The following LRRTM4 variants were observed in gnomAD, a reference collection of about 807,000 sequenced individuals.
The protein encoded by LRRTM4 is leucine rich repeat transmembrane neuronal 4.
A neutral mutation model predicts 47.6 loss-of-function variants in LRRTM4; 25 were observed. The observed-to-expected ratio is 0.53, with a 90% CI of 0.38 to 0.73. The LOEUF (loss-of-function observed/expected upper bound fraction) is 0.73. Ranked by LOEUF, LRRTM4 falls within the 30% of genes least tolerant of loss-of-function variation. The pLI is 0.00. For missense variants in LRRTM4, 638 were observed against 713.4 expected, an observed-to-expected ratio of 0.89 and a Z score of 1.20; for synonymous variants, 311 against 269.5, an observed-to-expected ratio of 1.15 and a Z score of -1.51.
chr2:77,094,689 G>C (rs1162895695), intron 3 of LRRTM4, among the ~76,000 whole-genome samples: 1 of 152,138 alleles, frequency 6.6e-6, no homozygotes, highest in Non-Finnish European at 1.5e-5. Context: ...GTCAAGGTTA[G>C]TCTCTTTAAT....
chr2:77,006,984 T>C (rs989787082), intron 3 of LRRTM4, among the ~76,000 whole-genome samples: 12 of 152,150 alleles, frequency 7.9e-5, no homozygotes, highest in African/African-American at 2.4e-4. Context: ...ATGAGCTTTA[T>C]AGAAAGAGGA....
intron 3 of LRRTM4, among the ~76,000 whole-genome samples, chr2:77,005,641 C>A (rs1052672608): frequency 6.6e-6 from 1 of 152,190 alleles, no homozygotes; most frequent in East Asian, 1.9e-4. Flanking sequence ...GAATCTGTCT[C>A]ATAAGAGCTG....
rs1472243728 is a variant in LRRTM4 at position 77,242,792 on chromosome 2, C to T, written c.1551+275526G>A. Among the ~76,000 whole-genome samples, 3 of 152,214 alleles carry T rather than the reference C, an allele frequency of 2.0e-5. No homozygotes were observed. In the South Asian group the frequency reaches 6.2e-4, roughly 32 times the overall value. Reference sequence around the variant, plus strand: ...CTATTGGTGGACCCAAATAATGAAACTGCTATGAAAACAAAATGGCAATTC... The same window carrying T: ...CTATTGGTGGACCCAAATAATGAAATTGCTATGAAAACAAAATGGCAATTC... On this transcript the variant is annotated intron_variant, in intron 3 of 3. Coordinates refer to ENST00000409884, the MANE Select transcript of LRRTM4 (RefSeq NM_001134745.3).
intron 3 of LRRTM4, among the ~76,000 whole-genome samples, chr2:77,391,325 G>C (rs942811364): frequency 2.0e-5 from 3 of 151,932 alleles, no homozygotes; most frequent in African/African-American, 7.2e-5. Context: ...GGTTATCTCT[G>C]GGACAGGCAG....
chr2:76,969,559 G>A (rs921092103), intron 3 of LRRTM4, among the ~76,000 whole-genome samples: 1 of 151,820 alleles, frequency 6.6e-6, no homozygotes, highest in East Asian at 2.0e-4. Flanking sequence ...AAAAACTGCA[G>A]TAACTGTTGC....
intron 3 of LRRTM4, among the ~76,000 whole-genome samples, chr2:77,003,217 G>C (rs1677500530): frequency 6.6e-6 from 1 of 151,614 alleles, no homozygotes; most frequent in East Asian, 1.9e-4. Context: ...GTCCACGTTT[G>C]TGTTTCTTAT....
intron 3 of LRRTM4, among the ~76,000 whole-genome samples, chr2:76,769,083 T>C (rs557561333): frequency 1.3e-5 from 2 of 152,286 alleles, no homozygotes; most frequent in South Asian, 2.1e-4. Context: ...AATCACTAAA[T>C]AGTTTTAGGA....
intron 3 of LRRTM4, among the ~76,000 whole-genome samples, chr2:77,181,792 T>C (rs1010446791): frequency 1.3e-5 from 2 of 152,030 alleles, no homozygotes; most frequent in African/African-American, 4.8e-5. Context: ...TTAACAAAAT[T>C]ATTTCGAAGT....
chr2:77,056,185 TATA>T (rs143839517), intron 3 of LRRTM4, among the ~76,000 whole-genome samples: 7 of 151,220 alleles, frequency 4.6e-5, no homozygotes, highest in South Asian at 4.2e-4. Flanking sequence ...AAACTTAAAG[TATA>T]ATAATAAAAA....
intron 3 of LRRTM4, among the ~76,000 whole-genome samples, chr2:77,168,813 G>A (rs1467657580): frequency 6.6e-6 from 1 of 152,000 alleles, no homozygotes; most frequent in East Asian, 1.9e-4. Context: ...TTCTGTGCTT[G>A]GCTTACTTCA....
chr2:77,287,967 T>C (rs1183768501), intron 3 of LRRTM4, among the ~76,000 whole-genome samples: 2 of 152,056 alleles, frequency 1.3e-5, no homozygotes, highest in African/African-American at 4.8e-5. Context: ...TGTATTCACA[T>C]CATTCAACAC....
chr2:77,433,344 G>A (rs1675461496), intron 3 of LRRTM4, among the ~76,000 whole-genome samples: 1 of 152,106 alleles, frequency 6.6e-6, no homozygotes, highest in Admixed American at 6.6e-5. Flanking sequence ...GATATGATGT[G>A]CAGGGAGGCT....
At chr2:77,412,953 T>C (rs1477551763) in intron 3 of LRRTM4, among the ~76,000 whole-genome samples, 1 of 152,208 alleles carries the variant, frequency 6.6e-6, no homozygotes, top group African/African-American at 2.4e-5. Context: ...CTCTTATCAT[T>C]GTTCAGCAAT....
chr2:77,484,346 C>T, intron 3 of LRRTM4, among the ~76,000 whole-genome samples: 1 of 152,128 alleles, frequency 6.6e-6, no homozygotes, highest in East Asian at 1.9e-4. Flanking sequence ...CTCTAGCAGC[C>T]TTTCTCTGCC....
intron 3 of LRRTM4, among the ~76,000 whole-genome samples, chr2:77,086,416 G>GTGTGTGTGTGTGTGTA (rs1177314221): frequency 2.4e-5 from 2 of 84,990 alleles, no homozygotes; most frequent in African/African-American, 6.1e-5. Context: ...TTTAGTGTGT[G>GTGTGTGTGTGTGTGTA]TATGTGTGTG....
chr2:77,147,016 A>G (rs1312013137), intron 3 of LRRTM4, among the ~76,000 whole-genome samples: 1 of 152,138 alleles, frequency 6.6e-6, no homozygotes, highest in South Asian at 2.1e-4. Flanking sequence ...AAAATAATAA[A>G]ATTTTTCATT....
intron 3 of LRRTM4, among the ~76,000 whole-genome samples, chr2:77,189,255 CA>C (rs1673597286): frequency 6.6e-6 from 1 of 152,246 alleles, no homozygotes; most frequent in South Asian, 2.1e-4. Flanking sequence ...ATGCTCAAGT[CA>C]AGACATTGTC....
At chr2:77,485,460 T>TTA (rs1677873673) in intron 3 of LRRTM4, among the ~76,000 whole-genome samples, 1 of 152,188 alleles carries the variant, frequency 6.6e-6, no homozygotes, top group South Asian at 2.1e-4. Flanking sequence ...CAAGATATTT[T>TTA]TATATAGTTG....
chr2:77,425,639 C>A (rs768417445), intron 3 of LRRTM4, among the ~76,000 whole-genome samples: 14 of 152,126 alleles, frequency 9.2e-5, no homozygotes, highest in Non-Finnish European at 1.8e-4. Context: ...AGTGGATAAA[C>A]AAGAAGTTTA....
Sources: allele counts gnomAD v4.1 joint callset (sites outside exome capture counted in the v4.1 genomes callset), GRCh38; gene constraint gnomAD v4.1.1; transcripts MANE v1.5; gene names NCBI Gene and HGNC (gene_info 2026-07-23, HGNC 2026-07-21).